The following CALD1 variants were observed in gnomAD, a reference collection of about 807,000 sequenced individuals.
CALD1 encodes the protein caldesmon.
In CALD1, 33 loss-of-function variants were observed where a neutral mutation model predicts 99.9. The ratio of observed to expected loss-of-function variants is 0.33; its 90% confidence interval spans 0.25 to 0.44. CALD1 has a LOEUF of 0.44. CALD1 is among the 20% of genes least tolerant of loss of function. The probability of loss-of-function intolerance (pLI) is 1.00; values close to 1 mark genes in which losing one functional copy is unlikely to be tolerated. For missense variants in CALD1, 861 were observed against 962.1 expected (o/e 0.89, Z 1.39); for synonymous variants, 310 against 325.0 (o/e 0.95, Z 0.50).
At chr7:134,925,095 T>A (rs193070410) in intron 3 of CALD1, among the ~76,000 whole-genome samples, 1 of 152,170 alleles carries the variant, frequency 6.6e-6, no homozygotes, top group Admixed American at 6.5e-5. Flanking sequence ...ACTAATACAC[T>A]CTAGTAGCTG....
chr7:134,894,434 G>A (rs1249450184), intron 3 of CALD1, among the ~76,000 whole-genome samples: 1 of 152,108 alleles, frequency 6.6e-6, no homozygotes, highest in Non-Finnish European at 1.5e-5. Flanking sequence ...TCCTATTATT[G>A]AGTAAATCAA....
intron 3 of CALD1, among the ~76,000 whole-genome samples, chr7:134,902,792 A>G (rs766954751): frequency 8.5e-4 from 129 of 152,302 alleles, no homozygotes; most frequent in Non-Finnish European, 9.8e-4. Flanking sequence ...ATGATTATTA[A>G]CAAAGTAGAA....
chr7:134,728,845 C>CTT, the CALD1 span, among the ~76,000 whole-genome samples: 40 of 124,224 alleles, frequency 3.2e-4, no homozygotes, highest in African/African-American at 7.2e-4. Context: ...TATACCTTTT[C>CTT]TTTTTTTTTT....
At chr7:134,839,734 G>T (rs530779570) in intron 1 of CALD1, among the ~76,000 whole-genome samples, 1 of 152,188 alleles carries the variant, frequency 6.6e-6, no homozygotes, top group South Asian at 2.1e-4. Context: ...TCTGTCCCCA[G>T]GCTGGAGTGC....
rs142795357 is a variant in CALD1 at position 134,763,609 on chromosome 7, G to C, written c.-130+19246G>C. Among the ~76,000 whole-genome samples, 289 of 152,196 alleles carry C rather than the reference G, an allele frequency of 1.9e-3. 1 individual carries two copies. Among genetic ancestry groups the C allele is most frequent in the African/African-American group, 6.5e-3 (272 of 41,532 alleles). The stretch of plus-strand genomic sequence containing the variant: ...AGACTTGTTATAAATGGCCACCTGA[G>C]TTTTCCCTCTCAGAATATATTTCCC... On this transcript the variant is annotated intron_variant, in intron 1 of 13. Coordinates refer to the CALD1 transcript ENST00000417172.
chr7:134,758,501 G>GGT (rs59389296), intron 1 of CALD1, among the ~76,000 whole-genome samples: 11,793 of 145,040 alleles, frequency 0.081, 483 homozygotes, highest in Non-Finnish European at 0.094. Flanking sequence ...CTCCCATTGG[G>GGT]GTGTGTGTGT....
chr7:134,898,823 G>A (rs987522942), intron 3 of CALD1, among the ~76,000 whole-genome samples: 5 of 152,196 alleles, frequency 3.3e-5, no homozygotes, highest in Non-Finnish European at 7.3e-5. Flanking sequence ...CCAAAGTGCC[G>A]GCATTATAGG....
At chr7:134,790,605 C>T (rs533628987) in intron 1 of CALD1, among the ~76,000 whole-genome samples, 5 of 152,178 alleles carry the variant, frequency 3.3e-5, no homozygotes, top group African/African-American at 1.2e-4. Context: ...CAGAGCTAAA[C>T]ACCATTGCTT....
At position 134,801,009 on chromosome 7, in the gene CALD1, CTA is replaced by C. The variant is rs555198562; in HGVS notation, c.-130+21264_-130+21265del. Among the ~76,000 whole-genome samples, 531 of 152,090 alleles carry C rather than the reference CTA, an allele frequency of 3.5e-3. 2 individuals carry two copies. The highest frequency in any genetic ancestry group is 0.012 in the African/African-American group (484 of 41,542). ...CTAACCTACAGTATAAGTGCCTACC[CTA>C]TATTTTCTGATTTTTTTGGACTCAA... On this transcript the variant is annotated intron_variant, in intron 1 of 14. Coordinates refer to ENST00000361675, the MANE Select transcript of CALD1 (RefSeq NM_033138.4).
At chr7:134,967,828 T>G (rs559250228) in intron 14 of CALD1, among the ~76,000 whole-genome samples, 3 of 151,506 alleles carry the variant, frequency 2.0e-5, no homozygotes, top group African/African-American at 7.3e-5. Flanking sequence ...GTGAAAAAAA[T>G]CAGCAGAAGG....
intron 2 of CALD1, among the ~76,000 whole-genome samples, chr7:134,845,648 G>A (rs994742101): frequency 3.3e-5 from 5 of 152,190 alleles, no homozygotes; most frequent in Non-Finnish European, 7.3e-5. Flanking sequence ...CAGGTCTGAA[G>A]GTCAGGTGAG....
chr7:134,789,732 T>G (rs1797448101), intron 1 of CALD1, among the ~76,000 whole-genome samples: 1 of 152,050 alleles, frequency 6.6e-6, no homozygotes, highest in Non-Finnish European at 1.5e-5. Flanking sequence ...GCTTCTACAT[T>G]TGGGGTCTCC....
the CALD1 span, among the ~76,000 whole-genome samples, chr7:134,729,433 C>T: frequency 6.6e-6 from 1 of 152,336 alleles, no homozygotes; most frequent in Admixed American, 6.5e-5. Context: ...TCCTCTGCTG[C>T]CTCTCACCTC....
intron 3 of CALD1, among the ~76,000 whole-genome samples, chr7:134,871,263 A>G (rs191624772): frequency 1.5e-4 from 23 of 152,330 alleles, no homozygotes; most frequent in African/African-American, 4.8e-4. Context: ...CTATGGCCCT[A>G]TGCAGTATAC....
intron 13 of CALD1, chr7:134,962,366 TAAA>T (rs35952925): frequency 1.6e-3 from 143 of 92,026 alleles, no homozygotes; most frequent in Middle Eastern, 6.0e-3. Context: ...GACAGCCTCC[TAAA>T]AAAAAAAAAA....
intron 1 of CALD1, among the ~76,000 whole-genome samples, chr7:134,791,433 A>G (rs1309114038): frequency 1.3e-5 from 2 of 152,108 alleles, no homozygotes; most frequent in African/African-American, 2.4e-5. Flanking sequence ...CCTGACCTCA[A>G]GTGATCTGCC....
chr7:134,759,422 T>C (rs1244370557), intron 1 of CALD1, among the ~76,000 whole-genome samples: 1 of 152,102 alleles, frequency 6.6e-6, no homozygotes, highest in Non-Finnish European at 1.5e-5. Context: ...AAAGGTTACC[T>C]AGAAGGCCAG....
intron 9 of CALD1, among the ~76,000 whole-genome samples, chr7:134,954,448 C>A (rs1362482737): frequency 6.6e-6 from 1 of 152,148 alleles, no homozygotes; most frequent in Admixed American, 6.5e-5. Flanking sequence ...TTAAACAGAA[C>A]ATTTAATATA....
chr7:134,886,246 A>G (rs1377431679), intron 3 of CALD1, among the ~76,000 whole-genome samples: 1 of 152,214 alleles, frequency 6.6e-6, no homozygotes, highest in African/African-American at 2.4e-5. Flanking sequence ...CTCCCTAACA[A>G]GATAAATTAG....
Sources: gnomAD v4.1 joint callset for allele counts (sites outside exome capture counted in the v4.1 genomes callset) on GRCh38, gnomAD v4.1.1 for gene constraint, MANE v1.5 for transcripts, NCBI Gene and HGNC (gene_info 2026-07-23, HGNC 2026-07-21) for gene names.